Variants in FGF1 observed in about 807,000 individuals in gnomAD.
FGF1 encodes beta-endothelial cell growth factor.
Under a neutral mutation model 13.4 loss-of-function variants are expected in FGF1, and 9 were observed. The observed-to-expected ratio is 0.67, with a 90% CI of 0.40 to 1.17. The LOEUF is 1.17. FGF1 is among the 50% of genes most tolerant of loss of function. The pLI is 0.01. For synonymous variants in FGF1, 93 were observed against 79.0 expected (o/e 1.18, Z -0.94); for missense variants, 156 against 192.7 (o/e 0.81, Z 1.13).
intron 1 of FGF1, among the ~76,000 whole-genome samples, chr5:142,649,470 G>A (rs1274416675): frequency 2.1e-4 from 32 of 151,846 alleles, no homozygotes; most frequent in African/African-American, 7.2e-4. Flanking sequence ...GCAGTGGCGC[G>A]ATCTCTGCTC....
intron 1 of FGF1, among the ~76,000 whole-genome samples, chr5:142,650,464 C>T (rs115255844): frequency 1.4e-4 from 22 of 152,060 alleles, no homozygotes; most frequent in Admixed American, 2.6e-4. Flanking sequence ...GTTTCCTCAT[C>T]GGCAGAAGGG....
At chr5:142,666,031 G>C (rs946282565) in intron 1 of FGF1, among the ~76,000 whole-genome samples, 2 of 152,038 alleles carry the variant, frequency 1.3e-5, no homozygotes, top group Non-Finnish European at 2.9e-5. Flanking sequence ...ACCACCCAGG[G>C]TCAGGAAAAC....
chr5:142,629,870 A>G (rs1216727219), intron 1 of FGF1, among the ~76,000 whole-genome samples: 1 of 129,748 alleles, frequency 7.7e-6, no homozygotes, highest in African/African-American at 2.8e-5. Flanking sequence ...TTATATATAC[A>G]TATATATTAT....
chr5:142,633,449 G>T (rs1379363851), intron 1 of FGF1, among the ~76,000 whole-genome samples: 1 of 152,166 alleles, frequency 6.6e-6, no homozygotes, highest in African/African-American at 2.4e-5. Flanking sequence ...AGAAATTAAT[G>T]TGAAAGTTTT....
At chr5:142,641,215 C>A (rs1394850368) in intron 1 of FGF1, among the ~76,000 whole-genome samples, 1 of 151,938 alleles carries the variant, frequency 6.6e-6, no homozygotes. Flanking sequence ...GACTAACTGC[C>A]TATTTTGCTG....
intron 2 of FGF1, among the ~76,000 whole-genome samples, chr5:142,613,627 C>G (rs528647120): frequency 2.0e-5 from 3 of 152,294 alleles, no homozygotes; most frequent in African/African-American, 7.2e-5. Flanking sequence ...CGTGCAGGCC[C>G]CTGACTAGCC....
chr5:142,600,688 AGCT>A lies in FGF1; in HGVS notation c.273+11_273+13del, dbSNP rs778203187. ...CCTTGGCCACGTCTGGAAGCATGTC[AGCT>A]TCATACTTACTGAGCCGTATAAAAG... On this transcript the variant is annotated intron_variant, in intron 3 of 3. Transcript: ENST00000337706. 7.6e-6 allele frequency: 12 copies of A among 1,573,580 alleles called. No individual in the cohort carries two copies. The highest frequency in any genetic ancestry group is 3.3e-5 in the Admixed American group (2 of 59,960).
intron 2 of FGF1, among the ~76,000 whole-genome samples, chr5:142,695,618 G>T (rs1237608872): frequency 1.4e-5 from 2 of 145,672 alleles, no homozygotes; most frequent in Non-Finnish European, 3.0e-5. Context: ...AAAGAAAAAA[G>T]AATTAACGAC....
intron 2 of FGF1, among the ~76,000 whole-genome samples, chr5:142,603,633 T>C (rs1757049368): frequency 6.6e-6 from 1 of 152,156 alleles, no homozygotes; most frequent in Non-Finnish European, 1.5e-5. Context: ...TGAATGGTGT[T>C]GGGCTAATAT....
intron 2 of FGF1, among the ~76,000 whole-genome samples, chr5:142,604,317 A>G (rs1345432274): frequency 1.3e-5 from 2 of 152,220 alleles, no homozygotes; most frequent in African/African-American, 4.8e-5. Flanking sequence ...TATGGTTTTC[A>G]GAGAACCTTC....
chr5:142,674,059 C>T (rs1326109152), intron 1 of FGF1, among the ~76,000 whole-genome samples: 1 of 152,188 alleles, frequency 6.6e-6, no homozygotes, highest in Admixed American at 6.5e-5. Context: ...CAGTCCTCAC[C>T]CTGCTTCATG....
chr5:142,597,659 C>G (rs997317443), intron 3 of FGF1, among the ~76,000 whole-genome samples: 1 of 152,162 alleles, frequency 6.6e-6, no homozygotes. Flanking sequence ...TTTTTCAAGT[C>G]GTGTGACCCC....
At chr5:142,611,903 TTGA>T (rs1465565547) in intron 2 of FGF1, among the ~76,000 whole-genome samples, 1 of 152,204 alleles carries the variant, frequency 6.6e-6, no homozygotes, top group Non-Finnish European at 1.5e-5. Flanking sequence ...TATGGAAAGC[TTGA>T]TGATGATAAC....
intron 1 of FGF1, among the ~76,000 whole-genome samples, chr5:142,660,132 G>A (rs1036897643): frequency 2.0e-5 from 3 of 152,220 alleles, no homozygotes; most frequent in African/African-American, 4.8e-5. Flanking sequence ...GCTTCTTCCC[G>A]AGGCCTCAAC....
intron 1 of FGF1, among the ~76,000 whole-genome samples, chr5:142,650,217 C>T (rs911473903): frequency 6.6e-6 from 1 of 152,122 alleles, no homozygotes; most frequent in African/African-American, 2.4e-5. Flanking sequence ...CATTGACTGA[C>T]TGCTCTTCTA....
intron 1 of FGF1, among the ~76,000 whole-genome samples, chr5:142,666,035 G>A (rs1307418200): frequency 6.6e-6 from 1 of 152,072 alleles, no homozygotes; most frequent in African/African-American, 2.4e-5. Context: ...CCCAGGGTCA[G>A]GAAAACCCAG....
At chr5:142,655,454 C>T (rs1318025901) in intron 1 of FGF1, among the ~76,000 whole-genome samples, 1 of 152,156 alleles carries the variant, frequency 6.6e-6, no homozygotes, top group Non-Finnish European at 1.5e-5. Context: ...GGACAGAAAA[C>T]GTCAATCTCA....
chr5:142,654,277 ACAG>A (rs768158639), intron 1 of FGF1, among the ~76,000 whole-genome samples: 48 of 152,216 alleles, frequency 3.2e-4, no homozygotes, highest in Non-Finnish European at 2.6e-4. Flanking sequence ...ATTTAAGTGA[ACAG>A]CATAATTTGG....
intron 1 of FGF1, among the ~76,000 whole-genome samples, chr5:142,614,801 A>AG (rs1487636533): frequency 6.6e-6 from 1 of 152,142 alleles, no homozygotes; most frequent in African/African-American, 2.4e-5. Flanking sequence ...GGGTTTTTAA[A>AG]GGGCAAATAC....
Sources: gnomAD v4.1 joint callset for allele counts (sites outside exome capture counted in the v4.1 genomes callset) on GRCh38, gnomAD v4.1.1 for gene constraint, MANE v1.5 for transcripts, NCBI Gene and HGNC (gene_info 2026-07-23, HGNC 2026-07-21) for gene names.